APC2: variants seen among roughly 807,000 people sequenced by gnomAD.
APC2 encodes APC regulator of Wnt signaling pathway 2.
A neutral mutation model predicts 72.5 loss-of-function variants in APC2; 41 were observed. The observed-to-expected ratio is 0.57, with a 90% CI of 0.44 to 0.73. APC2 has a LOEUF of 0.73. Among genes scored for constraint, APC2 ranks in the 30% least tolerant of loss-of-function variants. The pLI is 0.00. For synonymous variants in APC2, 1,898 were observed against 1,612.0 expected (o/e 1.18, Z -4.25); for missense variants, 3,729 against 3,403.4 (o/e 1.10, Z -2.38).
chr19:1,456,494 C>G (rs927583316), intron 8 of APC2, 90 bp downstream of exon 8: 1 of 1,304,840 alleles, frequency 7.7e-7, no homozygotes, highest in African/African-American at 1.5e-5. Flanking sequence ...GGTGCCCTCC[C>G]ATGCCTCCAT....
Position 1,453,241 on chromosome 19 carries a change from C to A in APC2, c.142-6C>A. On this transcript the variant is annotated splice_region_variant and splice_polypyrimidine_tract_variant and intron_variant, in intron 2 of 14. Transcript: ENST00000590469. The stretch of plus-strand genomic sequence containing the variant: ...TGGCTTCCCGCCCTCTTTCCCGCCC[C>A]TGCAGGAGGTCCTGAAGCACCTACA... 1.9e-6 allele frequency: 3 copies of A among 1,560,428 alleles called. No individual in the cohort carries two copies. Among genetic ancestry groups the A allele is most frequent in the Non-Finnish European group, 2.6e-6 (3 of 1,152,454 alleles).
Position 1,468,012 on chromosome 19 carries a change from G to C in APC2, c.4711G>C (p.Asp1571His). The part of the protein sequence containing the change: ...PARTQPSLIA[D>H]ETPPCYSLSS... The stretch of plus-strand genomic sequence containing the variant: ...CCGGACCCAGCCCAGCCTCATTGCT[G>C]ACGAGACCCCGCCCTGCTACTCCCT... Residue 1571 changes from aspartate (D) to histidine (H), a missense_variant, in exon 15 of 15, where the codon GAC becomes CAC. Transcript: ENST00000590469. 6.3e-7 allele frequency: 1 copy of C among 1,586,536 alleles called. No homozygotes were observed. The highest frequency in any genetic ancestry group is 2.3e-5 in the East Asian group (1 of 43,086).
chr19:1,449,682 G>T (rs1179299248), upstream of APC2, among the ~76,000 whole-genome samples: 1 of 151,654 alleles, frequency 6.6e-6, no homozygotes, highest in East Asian at 1.9e-4. Context: ...GGGAGCTCCA[G>T]CCTGGACCCG....
At position 1,452,941 on chromosome 19, in the gene APC2, C is replaced by A; in HGVS notation, c.-18-43C>A. On this transcript the variant is annotated intron_variant, in intron 1 of 14. Coordinates refer to ENST00000590469, the MANE Select transcript of APC2 (RefSeq NM_005883.3). The surrounding 1 kb of genome is among the most constrained non-coding windows in gnomAD (Gnocchi z 5.1). ...TCTGTCCGGAAGGCATCACCGCGCC[C>A]TCCCCAGACCATCAGCTGAACCCTC... is the stretch of plus-strand genomic sequence containing the variant. 6.3e-7 allele frequency: 1 copy of A among 1,593,424 alleles called. No homozygotes were observed. Among genetic ancestry groups the A allele is most frequent in the Non-Finnish European group, 8.5e-7 (1 of 1,170,068 alleles).
chr19:1,450,169 C>A lies in APC2; in HGVS notation c.-188C>A. 1.0e-6 allele frequency: 1 copy of A among 985,310 alleles called. No homozygotes were observed. The allele number at this position is 985,310 out of a possible 1,614,324, so 61.0% of individuals were successfully genotyped here. On this transcript the variant is annotated 5_prime_UTR_variant, in exon 1 of 15. Transcript: ENST00000590469. ...GAGCGGCAGCGCCGCCTGCCCAGGCCCGGACCGGGCTTTGTCCGCCCCGGA... is the reference window on the plus strand; with the variant it reads ...GAGCGGCAGCGCCGCCTGCCCAGGCACGGACCGGGCTTTGTCCGCCCCGGA...
rs771252131 is a variant in APC2 at position 1,453,315 on chromosome 19, G to A, written c.210G>A (p.Thr70=). 9.4e-6 allele frequency: 15 copies of A among 1,597,846 alleles called. No homozygotes were observed. In the Admixed American group the frequency reaches 1.9e-4, roughly 21 times the overall value. The change falls in exon 3 of 15, where the codon ACG becomes ACA. Residue 70 remains threonine (T), a synonymous_variant. Coordinates refer to ENST00000590469, the MANE Select transcript of APC2 (RefSeq NM_005883.3). ...GAGTGCTGGTGTCCTCGGGGCAGAC[G>A]GAGGTGCTGGAGCAGCTGAAGGGTG... ...EARVLVSSGQ[T]EVLEQLKALQ... is the part of the protein sequence containing the mutation.
rs1406272633 is a variant in APC2, at chr19:1,469,301, G to A, written c.6000G>A (p.Glu2000=). ...GFRRQLTFIK[E]SPGLRRRRSE... ...GGCGACAGCTAACCTTCATCAAGGA[G>A]TCGCCGGGCTTGCGGCGCCGCCGCT... The change falls in exon 15 of 15, where the codon GAG becomes GAA. Residue 2000 remains glutamate (E), a synonymous_variant. Coordinates refer to ENST00000590469, the MANE Select transcript of APC2 (RefSeq NM_005883.3). 2.1e-6 allele frequency: 3 copies of A among 1,418,320 alleles called. No homozygotes were observed. Among genetic ancestry groups the A allele is most frequent in the South Asian group, 1.3e-5 (1 of 76,736 alleles). 87.9% of individuals were successfully genotyped at this position (1,418,320 alleles called of 1,614,324 possible). A position where few individuals can be genotyped will look rare whatever the true frequency, so the allele number is the denominator to read the frequency against.
intron 1 of APC2, chr19:1,451,271 A>G (rs8100440): frequency 0.4 from 60,219 of 152,214 alleles, 12,759 homozygotes; most frequent in African/African-American, 0.57. Flanking sequence ...GCTGAGAAGA[A>G]CCACGTGGGG....
Position 1,470,577 on chromosome 19 carries a change from G to A in APC2, c.*364G>A, listed in dbSNP as rs1000895564. The stretch of plus-strand genomic sequence containing the variant: ...CCTCCGGGTCCGGGTCTGGGTCTGG[G>A]TCCGCTGCTTCGCAGGGACAGCGCT... On this transcript the variant is annotated 3_prime_UTR_variant, in exon 15 of 15. Transcript: ENST00000590469. 9.6e-6 allele frequency: 2 copies of A among 209,284 alleles called. No homozygotes were observed. The highest frequency in any genetic ancestry group is 1.6e-3 in the Middle Eastern group (1 of 628). The allele number at this position is 209,284 out of a possible 1,614,324, so 13.0% of individuals were successfully genotyped here.
Position 1,455,464 on chromosome 19 carries a change from C to T in APC2, c.603C>T (p.Arg201=). The T allele has an allele frequency of 5.6e-6, 9 of 1,605,088 alleles. No homozygotes were observed. The highest frequency in any genetic ancestry group is 7.7e-6 in the Non-Finnish European group (9 of 1,176,312). The change falls in exon 6 of 15, where the codon CGC becomes CGT. Residue 201 remains arginine (R), a synonymous_variant. Coordinates refer to ENST00000590469, the MANE Select transcript of APC2 (RefSeq NM_005883.3). ...ACATCCGCTCGCTGATGGAGGAGCG[C>T]TTCGGCACCTCGGACGAGATGGTGC... is the stretch of plus-strand genomic sequence containing the variant. ...AQHIRSLMEE[R]FGTSDEMVQR...
At chr19:1,450,444 A>G (rs1383040706) in intron 1 of APC2, 106 bp downstream of exon 1, 1 of 874,782 alleles carries the variant, frequency 1.1e-6, no homozygotes, top group African/African-American at 1.8e-5. Context: ...TGGACCCTCC[A>G]TTTCCCCAGA....
In APC2 at chr19:1,461,159, C is replaced by T. The variant is rs995488546; in HGVS notation, c.1638+6C>T. 6.2e-6 allele frequency: 10 copies of T among 1,606,422 alleles called. No homozygotes were observed. Among genetic ancestry groups the T allele is most frequent in the Non-Finnish European group, 8.5e-6 (10 of 1,178,050 alleles). On this transcript the variant is annotated splice_donor_region_variant and intron_variant, in intron 13 of 14. Transcript: ENST00000590469. ...GTGTCCTGCGGGCCACCAAGGTGGG[C>T]ACCCGGTGGGCGGCAGGGATGCTTC... is the stretch of plus-strand genomic sequence containing the variant.
chr19:1,461,020 C>G lies in APC2; in HGVS notation c.1522-17C>G. The G allele has an allele frequency of 6.2e-7, 1 of 1,613,150 alleles. No homozygotes were observed. The highest frequency in any genetic ancestry group is 8.5e-7 in the Non-Finnish European group (1 of 1,179,426). On this transcript the variant is annotated splice_polypyrimidine_tract_variant and intron_variant, in intron 12 of 14. Transcript: ENST00000590469. ...CTGGACCCTAGTCCCACCACACTTG[C>G]CCCTCACCCCACCCAGGTGGTGTCC... is the stretch of plus-strand genomic sequence containing the variant.
chr19:1,453,141 A>AGGTGGGGGCCT lies in APC2; in HGVS notation c.141_141+10dup. 6.2e-7 allele frequency: 1 copy of AGGTGGGGGCCT among 1,600,030 alleles called. No individual in the cohort carries two copies. The highest frequency in any genetic ancestry group is 8.5e-7 in the Non-Finnish European group (1 of 1,173,870). On this transcript the variant is annotated frameshift_variant and splice_region_variant, in exon 2 of 15. Coordinates refer to ENST00000590469, the MANE Select transcript of APC2 (RefSeq NM_005883.3). LOFTEE classifies it high-confidence loss of function. ...CTGGAGACAGAGACGTCGGGCATGAAGGTGGGGGCCTACATGGAGGAGGTG... is the reference window on the plus strand; with the variant it reads ...CTGGAGACAGAGACGTCGGGCATGAAGGTGGGGGCCTGGTGGGGGCCTACATGGAGGAGGTG...
At chr19:1,451,599 G>A (rs1045455388) in intron 1 of APC2, 3 of 152,404 alleles carry the variant, frequency 2.0e-5, no homozygotes, top group Non-Finnish European at 4.4e-5. Context: ...GCCAGAGAGG[G>A]GCGGGTCTTG....
chr19:1,456,780 A>G, intron 8 of APC2, 73 bp from the exon 9 acceptor site: 1 of 1,517,916 alleles, frequency 6.6e-7, no homozygotes, highest in Middle Eastern at 2.1e-4. Context: ...CAGGGGTCAC[A>G]GGGCTCCGAC....
intron 1 of APC2, 81 bp downstream of exon 1, chr19:1,450,419 C>G (rs909660344): frequency 2.1e-6 from 2 of 940,258 alleles, no homozygotes; most frequent in Non-Finnish European, 2.5e-6. Context: ...CAGCATTGCC[C>G]GTCAGCACAG....
rs2084094030 is a variant in APC2, at chr19:1,469,518, G to A, written c.6217G>A (p.Ala2073Thr). 13 of 1,156,856 alleles carry A rather than the reference G, an allele frequency of 1.1e-5. No homozygotes were observed. The highest frequency in any genetic ancestry group is 4.1e-5 in the Admixed American group (1 of 24,652). The allele number at this position is 1,156,856 out of a possible 1,614,324, so 71.7% of individuals were successfully genotyped here. A position where few individuals can be genotyped will look rare whatever the true frequency, so the allele number is the denominator to read the frequency against. The change falls in exon 15 of 15, where the codon GCC (alanine) becomes ACC (threonine). Residue 2073 changes from alanine to threonine, a missense_variant. Coordinates refer to ENST00000590469, the MANE Select transcript of APC2 (RefSeq NM_005883.3). ...AARPSPGERP[A>T]RRTTSESPSR... Reference sequence around the variant, plus strand: ...CCGACCCAGCCCTGGCGAGCGCCCTGCCCGGCGCACCACCTCCGAGAGCCC... The same window carrying A: ...CCGACCCAGCCCTGGCGAGCGCCCTACCCGGCGCACCACCTCCGAGAGCCC...
Position 1,453,569 on chromosome 19 carries a change from G to A in APC2, c.371G>A (p.Ser124Asn), listed in dbSNP as rs1191880287. 6.2e-7 allele frequency: 1 copy of A among 1,610,398 alleles called. No homozygotes were observed. Among genetic ancestry groups the A allele is most frequent in the South Asian group, 1.1e-5 (1 of 90,898 alleles). The change falls in exon 4 of 15, where the codon AGC (serine) becomes AAC (asparagine). Residue 124 changes from serine (S) to asparagine (N), a missense_variant. By Grantham distance (46) the Ser-to-Asn change is conservative (BLOSUM62 1). Coordinates refer to ENST00000590469, the MANE Select transcript of APC2 (RefSeq NM_005883.3). ...TCCAAGGACAGCTTTGGGGAGCTGA[G>A]CCGGGCCACCATCCGGCTGCTGGAG... ...GPSKDSFGEL[S>N]RATIRLLEEL...
Sources: allele counts gnomAD v4.1 joint callset (sites outside exome capture counted in the v4.1 genomes callset), GRCh38; gene constraint gnomAD v4.1.1; non-coding constraint Gnocchi (gnomAD v3.1); transcripts MANE v1.5; gene names NCBI Gene and HGNC (gene_info 2026-07-23, HGNC 2026-07-21).